Variants in APOBEC3B observed in about 807,000 individuals in gnomAD.
APOBEC3B encodes the protein DNA dC->dU-editing enzyme APOBEC-3B.
Under a neutral mutation model 53.4 loss-of-function variants are expected in APOBEC3B, and 29 were observed. The observed-to-expected ratio is 0.54, with a 90% confidence interval of 0.40 to 0.74. APOBEC3B has a LOEUF of 0.74. Ranked by LOEUF, APOBEC3B falls within the 30% of genes least tolerant of loss-of-function variation. The pLI is 0.00. For synonymous variants in APOBEC3B, 132 were observed against 184.8 expected (o/e 0.71, Z 2.32); for missense variants, 347 against 496.2 (o/e 0.70, Z 2.86).
intron 5 of APOBEC3B, among the ~76,000 whole-genome samples, chr22:38,990,941 G>A (rs1923966952): frequency 6.8e-6 from 1 of 146,788 alleles, no homozygotes; most frequent in Admixed American, 7.1e-5. Flanking sequence ...CAAATGCTCA[G>A]TAATTAGAGA....
In APOBEC3B at chr22:38,992,319, C is replaced by T. The variant is rs558255728; in HGVS notation, c.1135-112C>T. On this transcript the variant is annotated intron_variant, in intron 7 of 7. Transcript: ENST00000333467. ...CTCACAGCCTCCTTCTCTTTCCCAC[C>T]TCCCGCATCCCTCCCTCCTCTCCCG... is the stretch of plus-strand genomic sequence containing the variant. The T allele has an allele frequency of 1.8e-4, 272 of 1,536,296 alleles. 1 individual carries two copies. The African/African-American group carries it at 3.0e-3, about 17-fold the overall frequency.
At chr22:38,984,757 GTTC>G (rs1923668687) in intron 2 of APOBEC3B, among the ~76,000 whole-genome samples, 1 of 148,160 alleles carries the variant, frequency 6.7e-6, no homozygotes, top group Admixed American at 7.0e-5. Context: ...AGGAAAACTT[GTTC>G]TTCTTTTCTT....
chr22:38,988,121 T>A (rs1923813305), intron 4 of APOBEC3B, among the ~76,000 whole-genome samples: 1 of 148,370 alleles, frequency 6.7e-6, no homozygotes, highest in Non-Finnish European at 1.5e-5. Context: ...CAAGAACTCC[T>A]CTTCGAGCTT....
Position 38,984,232 on chromosome 22 carries a change from G to T in APOBEC3B, c.174+1G>T, listed in dbSNP as rs149211753. 1.8e-4 allele frequency: 291 copies of T among 1,591,090 alleles called. 20 individuals carry two copies. In the African/African-American group the frequency reaches 3.4e-3, roughly 19 times the overall value. On this transcript the variant is annotated splice_donor_variant, in intron 2 of 7. Transcript: ENST00000333467. LOFTEE classifies it high-confidence loss of function. ...GGACACAGGGGTCTTTCGAGGCCAG[G>T]TACCACCCAAACTTCAATCGAATCA...
In APOBEC3B at chr22:38,983,428, G is replaced by T. The variant is rs896048512; in HGVS notation, c.18-647G>T. On this transcript the variant is annotated intron_variant, in intron 1 of 7. Coordinates refer to ENST00000333467, the MANE Select transcript of APOBEC3B (RefSeq NM_004900.5). ...TAAAATTTAGTGAAAAGAGAGCCCA[G>T]TCCCCAACAGCTTTCTCCTACAGGA... 4.7e-5 allele frequency among the ~76,000 whole-genome samples: 7 copies of T among 148,966 alleles called. 2 individuals carry two copies. The highest frequency in any genetic ancestry group is 3.4e-4 in the Admixed American group (5 of 14,566).
Position 38,989,327 on chromosome 22 carries a change from G to A in APOBEC3B, c.570-130G>A, listed in dbSNP as rs746050946. 160 of 821,150 alleles carry A rather than the reference G, an allele frequency of 1.9e-4. 6 individuals are homozygous for A. Among genetic ancestry groups the A allele is most frequent in the Non-Finnish European group, 2.8e-4 (154 of 556,614 alleles). 50.9% of individuals were successfully genotyped at this position (821,150 alleles called of 1,614,324 possible). A position where few individuals can be genotyped will look rare whatever the true frequency, so the allele number is the denominator to read the frequency against. On this transcript the variant is annotated intron_variant, in intron 4 of 7. Transcript: ENST00000333467. ...GATCAGTGGCCCCCACAAAGGGAGTGGAAGCGCCTCCTCTGACAGGTGCCT... is the reference window on the plus strand; with the variant it reads ...GATCAGTGGCCCCCACAAAGGGAGTAGAAGCGCCTCCTCTGACAGGTGCCT...
At chr22:38,982,511 T>C in intron 1 of APOBEC3B, 41 bp downstream of exon 1, 2 of 1,590,864 alleles carry the variant, frequency 1.3e-6, no homozygotes, top group Non-Finnish European at 1.7e-6. Context: ...CTCCTGCCCC[T>C]TCCTGCCTGG....
At chr22:38,982,992 G>A (rs1923592923) in intron 1 of APOBEC3B, among the ~76,000 whole-genome samples, 1 of 148,540 alleles carries the variant, frequency 6.7e-6, no homozygotes, top group Admixed American at 6.9e-5. Context: ...TCCCCAGACA[G>A]GTTCCACTCC....
chr22:38,986,566 A>G (rs574405924), intron 4 of APOBEC3B, among the ~76,000 whole-genome samples, 154 bp downstream of exon 4: 1 of 137,128 alleles, frequency 7.3e-6, no homozygotes, highest in Admixed American at 7.8e-5. Context: ...CTCCCTCCAC[A>G]CTGCCTCCTC....
intron 5 of APOBEC3B, 110 bp downstream of exon 5, chr22:38,989,720 T>A: frequency 8.9e-7 from 1 of 1,129,230 alleles, no homozygotes; most frequent in South Asian, 2.1e-5. Flanking sequence ...TTGTCACTTG[T>A]GCTTCCTGCA....
intron 5 of APOBEC3B, among the ~76,000 whole-genome samples, chr22:38,990,204 G>T (rs1317390252): frequency 2.0e-5 from 3 of 148,172 alleles, no homozygotes; most frequent in African/African-American, 7.4e-5. Flanking sequence ...GCCAAGTTCT[G>T]CTTGGCTCTG....
At chr22:38,983,064 A>C (rs1394976478) in intron 1 of APOBEC3B, among the ~76,000 whole-genome samples, 1 of 148,102 alleles carries the variant, frequency 6.8e-6, no homozygotes, top group Non-Finnish European at 1.5e-5. Flanking sequence ...CACACTTGTA[A>C]TCCCAACACT....
intron 4 of APOBEC3B, among the ~76,000 whole-genome samples, chr22:38,986,874 T>A (rs1419453661): frequency 2.0e-5 from 3 of 148,138 alleles, no homozygotes; most frequent in Non-Finnish European, 3.0e-5. Context: ...TGTGAAGGCA[T>A]GGGGGAAGGC....
In APOBEC3B at chr22:38,986,527, G is replaced by A; in HGVS notation, c.569+115G>A. 2 of 1,227,290 alleles carry A rather than the reference G, an allele frequency of 1.6e-6. 1 individual carries two copies. The highest frequency in any genetic ancestry group is 2.2e-6 in the Non-Finnish European group (2 of 889,022). 76.0% of individuals were successfully genotyped at this position (1,227,290 alleles called of 1,614,324 possible). ...TCTTGACCCACTGCCTGCCCTCATG[G>A]TCACACCACCTTCCCTTAACTCCTG... On this transcript the variant is annotated intron_variant, in intron 4 of 7. Transcript: ENST00000333467.
chr22:38,988,693 CTT>C (rs1491389555), intron 4 of APOBEC3B, among the ~76,000 whole-genome samples: 25 of 110,574 alleles, frequency 2.3e-4, no homozygotes, highest in East Asian at 1.2e-3. Context: ...CTCTTTCTTT[CTT>C]TCTTTCTTTC....
rs1256731617 is a variant in APOBEC3B, at chr22:38,986,939, AC to A, written c.569+528del. ...CCACATAGCTGCTGGGTGGCTGGGG[AC>A]GGGGGGGGTCCCTGGGATGATTCCT... On this transcript the variant is annotated intron_variant, in intron 4 of 7. Coordinates refer to ENST00000333467, the MANE Select transcript of APOBEC3B (RefSeq NM_004900.5). Among the ~76,000 whole-genome samples the A allele has an allele frequency of 1.0e-4, 9 of 86,244 alleles. 3 individuals are homozygous for A. In the East Asian group the frequency reaches 5.9e-3, roughly 57 times the overall value. The allele number at this position is 86,244 out of a possible 152,430, so 56.6% of individuals were successfully genotyped here.
chr22:38,988,258 A>G (rs1331367429), intron 4 of APOBEC3B, among the ~76,000 whole-genome samples: 2 of 148,144 alleles, frequency 1.4e-5, no homozygotes, highest in African/African-American at 2.5e-5. Flanking sequence ...CTCTCCTCCA[A>G]TGGTACCAAT....
At chr22:38,987,859 G>C (rs1923804173) in intron 4 of APOBEC3B, among the ~76,000 whole-genome samples, 1 of 148,540 alleles carries the variant, frequency 6.7e-6, no homozygotes, top group Admixed American at 6.9e-5. Flanking sequence ...CTCTTTGGGA[G>C]GCTGAGGTGG....
At position 38,989,323 on chromosome 22, in the gene APOBEC3B, G is replaced by C. The variant is rs569498099; in HGVS notation, c.570-134G>C. On this transcript the variant is annotated intron_variant, in intron 4 of 7. Transcript: ENST00000333467. Reference sequence around the variant, plus strand: ...AGAGGATCAGTGGCCCCCACAAAGGGAGTGGAAGCGCCTCCTCTGACAGGT... The same window carrying C: ...AGAGGATCAGTGGCCCCCACAAAGGCAGTGGAAGCGCCTCCTCTGACAGGT... The C allele has an allele frequency of 3.1e-5, 24 of 770,044 alleles. 1 individual carries two copies. The African/African-American group carries it at 3.8e-4, about 12-fold the overall frequency. 47.7% of individuals were successfully genotyped at this position (770,044 alleles called of 1,614,324 possible).
Sources: allele counts gnomAD v4.1 joint callset (sites outside exome capture counted in the v4.1 genomes callset), GRCh38; gene constraint gnomAD v4.1.1; transcripts MANE v1.5; gene names NCBI Gene and HGNC (gene_info 2026-07-23, HGNC 2026-07-21).